The following SLCO3A1 variants were observed in gnomAD, a reference collection of about 807,000 sequenced individuals.
SLCO3A1 encodes PGE1 transporter.
Under a neutral mutation model 63.1 loss-of-function variants are expected in SLCO3A1, and 27 were observed. That is an observed-to-expected ratio of 0.43 (90% CI 0.32 to 0.59). The LOEUF (loss-of-function observed/expected upper bound fraction) is 0.59. Among genes scored for constraint, SLCO3A1 ranks in the 20% least tolerant of loss-of-function variants. The pLI is 0.09. For synonymous variants in SLCO3A1, 473 were observed against 409.9 expected (o/e 1.15, Z -1.86); for missense variants, 773 against 945.8 (o/e 0.82, Z 2.40).
chr15:92,093,367 T>A (rs894766223), intron 2 of SLCO3A1, among the ~76,000 whole-genome samples: 3 of 152,042 alleles, frequency 2.0e-5, no homozygotes, highest in African/African-American at 7.2e-5. Flanking sequence ...AACAATCAGA[T>A]CTTGTGTGAA....
chr15:92,141,585 G>A (rs1209386092), intron 7 of SLCO3A1, among the ~76,000 whole-genome samples: 1 of 152,168 alleles, frequency 6.6e-6, no homozygotes, highest in Admixed American at 6.5e-5. Flanking sequence ...GGCTTCCCAT[G>A]TAGGTGCCCA....
rs1488835060 is a variant in SLCO3A1, at chr15:91,883,572, T to C, written c.180+29484T>C. On this transcript the variant is annotated intron_variant, in intron 1 of 9. Coordinates refer to ENST00000318445, the MANE Select transcript of SLCO3A1 (RefSeq NM_013272.4). This position sits in a 1 kb window ranked among gnomAD's most constrained non-coding sequence, Gnocchi z 4.8. ...CTCTCAGGTATTTGTAATTATTTTA[T>C]GCCATTATATACCCTGAAAGTGGCT... is the stretch of plus-strand genomic sequence containing the variant. 3.9e-5 allele frequency among the ~76,000 whole-genome samples: 6 copies of C among 152,240 alleles called. No homozygotes were observed. Among genetic ancestry groups the C allele is most frequent in the Non-Finnish European group, 8.8e-5 (6 of 68,046 alleles).
intron 2 of SLCO3A1, among the ~76,000 whole-genome samples, chr15:91,934,409 C>T (rs1303445437): frequency 6.6e-6 from 1 of 152,186 alleles, no homozygotes; most frequent in African/African-American, 2.4e-5. Context: ...CACAGAGACC[C>T]ATGGGTCACT....
At chr15:92,067,554 A>G (rs1168501896) in intron 2 of SLCO3A1, among the ~76,000 whole-genome samples, 1 of 152,230 alleles carries the variant, frequency 6.6e-6, no homozygotes, top group African/African-American at 2.4e-5. Flanking sequence ...AAGTACATGC[A>G]TGATATAGTA....
chr15:91,937,500 A>G (rs1367587783), intron 2 of SLCO3A1, among the ~76,000 whole-genome samples: 1 of 152,070 alleles, frequency 6.6e-6, no homozygotes, highest in Non-Finnish European at 1.5e-5. Context: ...TGGGCAGATC[A>G]TGAGGTCAGG....
chr15:92,096,018 T>G (rs1002700076), intron 3 of SLCO3A1, among the ~76,000 whole-genome samples: 21 of 152,324 alleles, frequency 1.4e-4, no homozygotes, highest in Middle Eastern at 3.4e-3. Context: ...AGCAGACATT[T>G]CTTATCATAC....
chr15:92,171,707 A>G, intron 10 of SLCO3A1: 1 of 1,087,536 alleles, frequency 9.2e-7, no homozygotes, highest in Non-Finnish European at 1.4e-6. Context: ...AAATAAGCCT[A>G]ACAAACAGTA....
chr15:92,146,654 C>T (rs532498314), intron 7 of SLCO3A1, among the ~76,000 whole-genome samples: 3 of 152,076 alleles, frequency 2.0e-5, no homozygotes, highest in South Asian at 2.1e-4. Context: ...AATTTGGCAA[C>T]GTTTTATCAT....
Position 91,871,154 on chromosome 15 carries a change from C to A in SLCO3A1, c.180+17066C>A, listed in dbSNP as rs558045271. Among the ~76,000 whole-genome samples, 6 of 152,166 alleles carry A rather than the reference C, an allele frequency of 3.9e-5. No homozygotes were observed. The East Asian group carries it at 1.2e-3, about 29-fold the overall frequency. ...TTTGATTTATTTATTTGAAGGCTAT[C>A]TTTTTTCTTCTTGCTACCAAGCTGA... On this transcript the variant is annotated intron_variant, in intron 1 of 9. Transcript: ENST00000318445.
rs571564639 is a variant in SLCO3A1 at position 91,961,152 on chromosome 15, A to G, written c.646+44694A>G. On this transcript the variant is annotated intron_variant, in intron 2 of 9. Coordinates refer to ENST00000318445, the MANE Select transcript of SLCO3A1 (RefSeq NM_013272.4). ...AACGTGATTTTTGAATACTTAGTTT[A>G]TCTCATTCTAGTCAATTTATCTCCT... Among the ~76,000 whole-genome samples, 3 of 152,352 alleles carry G rather than the reference A, an allele frequency of 2.0e-5. No homozygotes were observed. In the South Asian group the frequency reaches 6.2e-4, roughly 32 times the overall value.
At chr15:91,969,745 C>T (rs1319083801) in intron 2 of SLCO3A1, among the ~76,000 whole-genome samples, 1 of 152,220 alleles carries the variant, frequency 6.6e-6, no homozygotes, top group African/African-American at 2.4e-5. Context: ...ATCTTATGGG[C>T]TCACCCTTAT....
At chr15:92,096,508 T>C (rs1272973989) in intron 3 of SLCO3A1, among the ~76,000 whole-genome samples, 2 of 152,190 alleles carry the variant, frequency 1.3e-5, no homozygotes, top group East Asian at 3.9e-4. Context: ...GAACACTATA[T>C]TTCCATGTAG....
chr15:91,941,653 A>T lies in SLCO3A1; in HGVS notation c.646+25195A>T. 2.5e-6 allele frequency: 1 copy of T among 394,084 alleles called. No homozygotes were observed. The highest frequency in any genetic ancestry group is 5.0e-6 in the Non-Finnish European group (1 of 200,006). The allele number at this position is 394,084 out of a possible 1,614,324, so 24.4% of individuals were successfully genotyped here. A position where few individuals can be genotyped will look rare whatever the true frequency, so the allele number is the denominator to read the frequency against. On this transcript the variant is annotated intron_variant, in intron 2 of 9. Coordinates refer to ENST00000318445, the MANE Select transcript of SLCO3A1 (RefSeq NM_013272.4). The surrounding 1 kb of genome is among the most constrained non-coding windows in gnomAD (Gnocchi z 4.4). ...TCCCATGGGTTTTGTACTTTTTCTT[A>T]CTCGGGATGTTTGTTTCTCTTTGTC...
At chr15:92,109,676 G>A (rs1330327213) in intron 4 of SLCO3A1, among the ~76,000 whole-genome samples, 1 of 152,214 alleles carries the variant, frequency 6.6e-6, no homozygotes, top group African/African-American at 2.4e-5. Context: ...GATAGCAGGT[G>A]CCAGCTGAGT....
intron 4 of SLCO3A1, among the ~76,000 whole-genome samples, chr15:92,119,971 T>C (rs7175812): frequency 0.15 from 23,386 of 152,016 alleles, 1,876 homozygotes; most frequent in Non-Finnish European, 0.17. Flanking sequence ...ATATCTTTCT[T>C]GAAACTGTTA....
intron 2 of SLCO3A1, among the ~76,000 whole-genome samples, chr15:91,939,570 G>T (rs1899543812): frequency 6.6e-6 from 1 of 152,188 alleles, no homozygotes; most frequent in Non-Finnish European, 1.5e-5. Context: ...GCCACAGATG[G>T]ATGCCACGCT....
intron 2 of SLCO3A1, among the ~76,000 whole-genome samples, chr15:92,085,615 T>A (rs1218376200): frequency 6.6e-6 from 1 of 152,260 alleles, no homozygotes; most frequent in Non-Finnish European, 1.5e-5. Context: ...ATATCACGCA[T>A]GTGCATACGT....
At chr15:92,081,341 C>CT (rs113782787) in intron 2 of SLCO3A1, among the ~76,000 whole-genome samples, 15,513 of 148,544 alleles carry the variant, frequency 0.1, 1,475 homozygotes, top group East Asian at 0.25. Context: ...ACTAGTGGTG[C>CT]TTTTTTTTTT....
chr15:91,879,162 T>C lies in SLCO3A1; in HGVS notation c.180+25074T>C, dbSNP rs187114233. 5.7e-4 allele frequency among the ~76,000 whole-genome samples: 87 copies of C among 152,336 alleles called. 1 individual carries two copies. The highest frequency in any genetic ancestry group is 1.9e-3 in the African/African-American group (78 of 41,582). On this transcript the variant is annotated intron_variant, in intron 1 of 9. Transcript: ENST00000318445. The stretch of plus-strand genomic sequence containing the variant: ...GGCAATAGAGTAATCGGATAGGCCA[T>C]GGTTATATAGAATATCTGTTGGCAT...
Sources: gnomAD v4.1 joint callset for allele counts (sites outside exome capture counted in the v4.1 genomes callset) on GRCh38, gnomAD v4.1.1 for gene constraint, Gnocchi (gnomAD v3.1) non-coding constraint, MANE v1.5 for transcripts, NCBI Gene and HGNC (gene_info 2026-07-23, HGNC 2026-07-21) for gene names.